Variants in BAIAP2 observed in about 807,000 individuals in gnomAD.
The protein encoded by BAIAP2 is BAR/IMD domain-containing adapter protein 2.
Under a neutral mutation model 63.0 loss-of-function variants are expected in BAIAP2, and 18 were observed. That is an observed-to-expected ratio of 0.29 (90% CI 0.20 to 0.42). BAIAP2 has a LOEUF of 0.42. Ranked by LOEUF, BAIAP2 falls within the 10% of genes least tolerant of loss-of-function variation. BAIAP2 has a pLI of 1.00. For missense variants in BAIAP2, 610 were observed against 734.3 expected (o/e 0.83, Z 1.96); for synonymous variants, 386 against 307.6 (o/e 1.25, Z -2.67).
At chr17:81,056,786 G>GAGTCT (rs1415462657) in intron 2 of BAIAP2, among the ~76,000 whole-genome samples, 11 of 152,202 alleles carry the variant, frequency 7.2e-5, no homozygotes, top group Admixed American at 7.2e-4. Flanking sequence ...AGCCGCCCTG[G>GAGTCT]AGTCTCACTT....
chr17:81,055,090 G>C (rs927025825), intron 2 of BAIAP2, among the ~76,000 whole-genome samples: 1 of 152,174 alleles, frequency 6.6e-6, no homozygotes, highest in Non-Finnish European at 1.5e-5. Context: ...CTCCTCCACC[G>C]CTTCCTGGTG....
At position 81,104,126 on chromosome 17, in the gene BAIAP2, G is replaced by T. The variant is rs1261714554; in HGVS notation, c.1066+18G>T. On this transcript the variant is annotated intron_variant, in intron 9 of 13. Coordinates refer to ENST00000428708, the MANE Select transcript of BAIAP2 (RefSeq NM_001144888.2). ...TGCCACCAGTAAGGGCTCCGCTGGG[G>T]TGTTGGGCTGGGGTCCCTGGACGTG... 1.2e-6 allele frequency: 2 copies of T among 1,612,286 alleles called. No homozygotes were observed. Among genetic ancestry groups the T allele is most frequent in the East Asian group, 2.2e-5 (1 of 44,856 alleles).
rs1432283524 is a variant in BAIAP2, at chr17:81,046,206, T to C, written c.55-7462T>C. 6.6e-6 allele frequency among the ~76,000 whole-genome samples: 1 copy of C among 152,110 alleles called. No individual in the cohort carries two copies. The highest frequency in any genetic ancestry group is 1.5e-5 in the Non-Finnish European group (1 of 67,976). ...CCCGTTCTGCAGGCTCCAGCCCACCTTCAGGCCCCCGTCCTAACCCTGCGC... is the reference window on the plus strand; with the variant it reads ...CCCGTTCTGCAGGCTCCAGCCCACCCTCAGGCCCCCGTCCTAACCCTGCGC... On this transcript the variant is annotated intron_variant, in intron 1 of 13. Coordinates refer to ENST00000428708, the MANE Select transcript of BAIAP2 (RefSeq NM_001144888.2). This position sits in a 1 kb window ranked among gnomAD's most constrained non-coding sequence, Gnocchi z 4.5.
chr17:81,070,823 C>T (rs2052494568), intron 3 of BAIAP2, among the ~76,000 whole-genome samples: 1 of 152,186 alleles, frequency 6.6e-6, no homozygotes, highest in Non-Finnish European at 1.5e-5. Context: ...TGCCAGAGGC[C>T]CGGGCAGGCC....
chr17:81,085,772 G>A (rs755435671), intron 5 of BAIAP2, 47 bp downstream of exon 5: 7 of 1,499,730 alleles, frequency 4.7e-6, no homozygotes, highest in Admixed American at 3.4e-5. Flanking sequence ...CCTGGGCTCC[G>A]GCTCTCCCAA....
At chr17:81,054,512 CT>C (rs2049149177) in intron 2 of BAIAP2, among the ~76,000 whole-genome samples, 1 of 152,182 alleles carries the variant, frequency 6.6e-6, no homozygotes, top group South Asian at 2.1e-4. Context: ...CAGCACGCCC[CT>C]GCCTGTGCGG....
intron 3 of BAIAP2, among the ~76,000 whole-genome samples, chr17:81,084,212 G>A (rs975883363): frequency 2.0e-5 from 3 of 152,206 alleles, no homozygotes; most frequent in Non-Finnish European, 4.4e-5. Flanking sequence ...CACCAGGGTG[G>A]CTGCCTGGTG....
chr17:81,051,936 C>T (rs954531540), intron 1 of BAIAP2, among the ~76,000 whole-genome samples: 5 of 152,182 alleles, frequency 3.3e-5, no homozygotes, highest in African/African-American at 9.6e-5. Flanking sequence ...GTGATCTTCC[C>T]GCCTCTGCCT....
At position 81,085,739 on chromosome 17, in the gene BAIAP2, G is replaced by A. The variant is rs1213313417; in HGVS notation, c.351+14G>A. ...AGGTATCTGAGTGTAAGTGCACCCTGGCCGTGCCTGCTGGGCCCTGTGCCT... is the reference window on the plus strand; with the variant it reads ...AGGTATCTGAGTGTAAGTGCACCCTAGCCGTGCCTGCTGGGCCCTGTGCCT... On this transcript the variant is annotated intron_variant, in intron 5 of 13. Transcript: ENST00000428708. 1 of 1,609,654 alleles carries A rather than the reference G, an allele frequency of 6.2e-7. No homozygotes were observed. Among genetic ancestry groups the A allele is most frequent in the African/African-American group, 1.3e-5 (1 of 74,872 alleles).
chr17:81,048,357 A>C (rs1351421617), intron 1 of BAIAP2, among the ~76,000 whole-genome samples: 2 of 4,252 alleles, frequency 4.7e-4, no homozygotes, highest in Non-Finnish European at 1.6e-3. Flanking sequence ...ACTCTGTCTC[A>C]AAAAAAAAAA....
chr17:81,062,045 C>A (rs888468726), intron 3 of BAIAP2, among the ~76,000 whole-genome samples: 2 of 152,076 alleles, frequency 1.3e-5, no homozygotes, highest in South Asian at 2.1e-4. Context: ...CAGGTTCATG[C>A]GAGTCTCCTG....
At chr17:81,104,136 G>C in intron 9 of BAIAP2, 28 bp downstream of exon 9, 1 of 1,610,396 alleles carries the variant, frequency 6.2e-7, no homozygotes, top group Non-Finnish European at 8.5e-7. Context: ...GTGTTGGGCT[G>C]GGGTCCCTGG....
intron 1 of BAIAP2, among the ~76,000 whole-genome samples, chr17:81,049,476 C>T (rs1284285110): frequency 1.3e-5 from 2 of 152,136 alleles, no homozygotes; most frequent in African/African-American, 4.8e-5. Context: ...TTTTTTGCAC[C>T]TCTTGGTGTT....
At chr17:81,110,821 C>A in intron 13 of BAIAP2, 1 of 1,512,376 alleles carries the variant, frequency 6.6e-7, no homozygotes, top group South Asian at 1.1e-5. Flanking sequence ...GGTTCTAGGT[C>A]TCCTGGCAGC....
chr17:81,108,771 C>A (rs1454199342), intron 13 of BAIAP2: 4 of 974,728 alleles, frequency 4.1e-6, no homozygotes, highest in Non-Finnish European at 5.9e-6. Flanking sequence ...GGGAGGGTAG[C>A]TGAGGCTGGC....
chr17:81,083,034 C>T (rs908357735), intron 3 of BAIAP2: 1 of 152,422 alleles, frequency 6.6e-6, no homozygotes, highest in African/African-American at 2.4e-5. Flanking sequence ...CCCCGCAGCT[C>T]CTGGAAGGGC....
At chr17:81,043,794 T>C (rs1328175619) in intron 1 of BAIAP2, among the ~76,000 whole-genome samples, 1 of 152,206 alleles carries the variant, frequency 6.6e-6, no homozygotes, top group African/African-American at 2.4e-5. Flanking sequence ...TCATTGAAAC[T>C]GCAGAGCCAA....
intron 2 of BAIAP2, among the ~76,000 whole-genome samples, chr17:81,055,336 G>A (rs1471369584): frequency 6.6e-6 from 1 of 152,136 alleles, no homozygotes; most frequent in African/African-American, 2.4e-5. Flanking sequence ...CATCTAGTTG[G>A]GGGTGGCCTT....
intron 6 of BAIAP2, among the ~76,000 whole-genome samples, chr17:81,098,751 G>A (rs1016993503): frequency 1.3e-5 from 2 of 152,332 alleles, no homozygotes; most frequent in Non-Finnish European, 2.9e-5. Flanking sequence ...AGCACAGAGT[G>A]GCCAAGACGT....
Sources: gnomAD v4.1 joint callset for allele counts (sites outside exome capture counted in the v4.1 genomes callset) on GRCh38, gnomAD v4.1.1 for gene constraint, Gnocchi (gnomAD v3.1) non-coding constraint, MANE v1.5 for transcripts, NCBI Gene and HGNC (gene_info 2026-07-23, HGNC 2026-07-21) for gene names.